PBX3: variants seen among roughly 807,000 people sequenced by gnomAD.
PBX3 encodes the protein PBX homeobox 3.
PBX3 carries 14 observed loss-of-function variants against 48.5 expected under a neutral mutation model. That is an observed-to-expected ratio of 0.29 (90% CI 0.19 to 0.45). PBX3 has a LOEUF of 0.45. Among genes scored for constraint, PBX3 ranks in the 20% least tolerant of loss-of-function variants. PBX3 has a pLI of 1.00. For missense variants in PBX3, 386 were observed against 546.7 expected (o/e 0.71, Z 2.93); for synonymous variants, 210 against 200.3 (o/e 1.05, Z -0.41).
chr9:125,925,074 G>C (rs932923571), intron 3 of PBX3, among the ~76,000 whole-genome samples: 1 of 152,086 alleles, frequency 6.6e-6, no homozygotes, highest in Non-Finnish European at 1.5e-5. Flanking sequence ...TTTGACACAC[G>C]CAATATTAAA....
Position 125,750,944 on chromosome 9 carries a change from C to A in PBX3, c.274+2321C>A, listed in dbSNP as rs556754018. Among the ~76,000 whole-genome samples, 4 of 152,124 alleles carry A rather than the reference C, an allele frequency of 2.6e-5. 1 individual carries two copies. The highest frequency in any genetic ancestry group is 1.3e-4 in the Admixed American group (2 of 15,262). ...AGACAGGGACTCAGAATCCTCAATT[C>A]GAAATAAAACAGCTGTGTAGACATT... is the stretch of plus-strand genomic sequence containing the variant. On this transcript the variant is annotated intron_variant, in intron 2 of 8. Transcript: ENST00000373489.
At chr9:125,817,679 G>A (rs1441511384) in intron 2 of PBX3, among the ~76,000 whole-genome samples, 2 of 152,280 alleles carry the variant, frequency 1.3e-5, no homozygotes, top group Middle Eastern at 3.4e-3. Context: ...ATAATTTTAA[G>A]TTTGGGAATT....
At chr9:125,941,243 G>C (rs771681584) in intron 5 of PBX3, among the ~76,000 whole-genome samples, 2 of 152,312 alleles carry the variant, frequency 1.3e-5, no homozygotes, top group South Asian at 4.1e-4. Context: ...CAGCAAGTAC[G>C]GAGGCCCTGA....
At chr9:125,897,758 T>C (rs1840808505) in intron 2 of PBX3, among the ~76,000 whole-genome samples, 2 of 151,916 alleles carry the variant, frequency 1.3e-5, no homozygotes, top group South Asian at 4.1e-4. Flanking sequence ...AAGTGCATGT[T>C]TGCTCTGTAT....
intron 2 of PBX3, among the ~76,000 whole-genome samples, chr9:125,866,416 T>A (rs1319060905): frequency 1.3e-5 from 2 of 152,220 alleles, no homozygotes; most frequent in Admixed American, 1.3e-4. Flanking sequence ...AATTATTTAC[T>A]GGTGCTTATT....
At chr9:125,906,951 A>G (rs1841087254) in intron 2 of PBX3, among the ~76,000 whole-genome samples, 1 of 152,048 alleles carries the variant, frequency 6.6e-6, no homozygotes. Flanking sequence ...TCCTTATTTC[A>G]GAACAAATCA....
At chr9:125,956,578 A>G (rs545055437) in intron 5 of PBX3, among the ~76,000 whole-genome samples, 66 of 152,336 alleles carry the variant, frequency 4.3e-4, no homozygotes, top group African/African-American at 1.5e-3. Flanking sequence ...AGCGGACTGC[A>G]TAATGTGCAC....
chr9:125,894,533 G>A lies in PBX3; in HGVS notation c.275-21153G>A, dbSNP rs535147658. On this transcript the variant is annotated intron_variant, in intron 2 of 8. Coordinates refer to ENST00000373489, the MANE Select transcript of PBX3 (RefSeq NM_006195.6). ...TAGTTGCTTTTCTGAAACCTAGTGT[G>A]CTTGTAGGGTAAAGTAAATGCATGT... is the stretch of plus-strand genomic sequence containing the variant. Among the ~76,000 whole-genome samples, 3 of 152,142 alleles carry A rather than the reference G, an allele frequency of 2.0e-5. No individual in the cohort carries two copies. The South Asian group carries it at 6.2e-4, about 31-fold the overall frequency.
intron 2 of PBX3, among the ~76,000 whole-genome samples, chr9:125,775,753 G>T (rs946705666): frequency 6.6e-6 from 1 of 152,142 alleles, no homozygotes; most frequent in African/African-American, 2.4e-5. Flanking sequence ...TGATTTTGAG[G>T]ACTGGCTTTT....
chr9:125,843,009 G>A (rs560590612), intron 2 of PBX3, among the ~76,000 whole-genome samples: 1 of 152,010 alleles, frequency 6.6e-6, no homozygotes, highest in African/African-American at 2.4e-5. Context: ...TGGTTTTCAC[G>A]ATAAAGAAAT....
At chr9:125,755,484 G>A (rs1836489770) in intron 2 of PBX3, among the ~76,000 whole-genome samples, 1 of 152,018 alleles carries the variant, frequency 6.6e-6, no homozygotes, top group Admixed American at 6.6e-5. Context: ...TGTTTTTGAG[G>A]ATTTCTTGGC....
chr9:125,948,375 A>G (rs533345112), intron 5 of PBX3, among the ~76,000 whole-genome samples: 110 of 152,364 alleles, frequency 7.2e-4, no homozygotes, highest in Non-Finnish European at 1.2e-3. Flanking sequence ...TAAATTTTAA[A>G]CAGTTTAAAA....
intron 2 of PBX3, among the ~76,000 whole-genome samples, chr9:125,813,538 T>C (rs1254350644): frequency 6.6e-6 from 1 of 152,250 alleles, no homozygotes; most frequent in Non-Finnish European, 1.5e-5. Flanking sequence ...AGGATTACAA[T>C]TTGATTCAGT....
intron 2 of PBX3, among the ~76,000 whole-genome samples, chr9:125,886,690 A>G (rs934913059): frequency 6.6e-6 from 1 of 152,216 alleles, no homozygotes; most frequent in Non-Finnish European, 1.5e-5. Context: ...ATTTATTCAC[A>G]TAAGAGTTTT....
At chr9:125,899,470 G>T (rs1391011160) in intron 2 of PBX3, among the ~76,000 whole-genome samples, 2 of 147,936 alleles carry the variant, frequency 1.4e-5, no homozygotes, top group African/African-American at 2.5e-5. Context: ...GAGAGAGAGA[G>T]AGAGAGAGAG....
chr9:125,896,164 A>G (rs1235816031), intron 2 of PBX3, among the ~76,000 whole-genome samples: 1 of 151,988 alleles, frequency 6.6e-6, no homozygotes, highest in African/African-American at 2.4e-5. Flanking sequence ...ATCTCTCAAT[A>G]GAGCTATTTC....
At chr9:125,908,322 T>A (rs1190016852) in intron 2 of PBX3, among the ~76,000 whole-genome samples, 1 of 152,006 alleles carries the variant, frequency 6.6e-6, no homozygotes, top group Non-Finnish European at 1.5e-5. Flanking sequence ...TGTAGTGTTA[T>A]CCCATTCACA....
intron 5 of PBX3, among the ~76,000 whole-genome samples, chr9:125,944,186 C>T (rs1432835141): frequency 6.6e-6 from 1 of 152,250 alleles, no homozygotes; most frequent in African/African-American, 2.4e-5. Flanking sequence ...CAGAAACCTT[C>T]TCCAGAGATG....
chr9:125,784,783 G>A (rs1181167016), intron 2 of PBX3, among the ~76,000 whole-genome samples: 2 of 152,108 alleles, frequency 1.3e-5, no homozygotes, highest in Non-Finnish European at 2.9e-5. Flanking sequence ...GTCTCTGTTT[G>A]GGGACATTCC....
Sources: gnomAD v4.1 joint callset for allele counts (sites outside exome capture counted in the v4.1 genomes callset) on GRCh38, gnomAD v4.1.1 for gene constraint, MANE v1.5 for transcripts, NCBI Gene and HGNC (gene_info 2026-07-23, HGNC 2026-07-21) for gene names.